The following KATNAL2 variants were observed in gnomAD, a reference collection of about 807,000 sequenced individuals.
The protein encoded by KATNAL2 is katanin p60 ATPase-containing subunit A-like 2.
A neutral mutation model predicts 76.3 loss-of-function variants in KATNAL2; 52 were observed. The observed-to-expected ratio is 0.68, with a 90% confidence interval of 0.55 to 0.86. The LOEUF is 0.86. Among genes scored for constraint, KATNAL2 ranks in the 40% least tolerant of loss-of-function variants. KATNAL2 has a pLI of 0.00. For synonymous variants in KATNAL2, 243 were observed against 244.2 expected, an observed-to-expected ratio of 1.00 and a Z score of 0.05; for missense variants, 660 against 668.9, an observed-to-expected ratio of 0.99 and a Z score of 0.15.
chr18:46,932,963 A>G (rs1008131969), intron 1 of KATNAL2, among the ~76,000 whole-genome samples: 2 of 151,880 alleles, frequency 1.3e-5, no homozygotes, highest in African/African-American at 2.4e-5. Flanking sequence ...GGGTTTCACT[A>G]TGTTGGCCAG....
chr18:47,075,299 A>G lies in KATNAL2; in HGVS notation c.1031A>G (p.Tyr344Cys). Residue 344 changes from tyrosine to cysteine, a missense_variant, in exon 14 of 18, where the codon TAC becomes TGC. By Grantham distance (194) the Tyr-to-Cys change is radical. Coordinates refer to ENST00000683218, the MANE Select transcript of KATNAL2 (RefSeq NM_001387690.1). Reference protein sequence around the residue: ...LVRVLFELARYHAPSTIFLDE... With the variant: ...LVRVLFELARCHAPSTIFLDE... Reference sequence around the variant, plus strand: ...CAGGTGTTATTTGAGCTTGCCCGCTACCACGCCCCATCCACGATCTTCCTG... The same window carrying G: ...CAGGTGTTATTTGAGCTTGCCCGCTGCCACGCCCCATCCACGATCTTCCTG... The G allele has an allele frequency of 6.4e-7, 1 of 1,561,672 alleles. No individual in the cohort carries two copies. The highest frequency in any genetic ancestry group is 8.6e-7 in the Non-Finnish European group (1 of 1,158,976).
At chr18:47,100,736 C>G (rs2063422266) in intron 17 of KATNAL2, 130 bp from the exon 18 acceptor site, 28 of 1,163,652 alleles carry the variant, frequency 2.4e-5, no homozygotes, top group Non-Finnish European at 3.4e-5. Context: ...TTTAGTCTTG[C>G]CTTTTGCTGC....
At chr18:47,100,466 C>T (rs1474302062) in intron 17 of KATNAL2, 110 bp downstream of exon 17, 6 of 819,226 alleles carry the variant, frequency 7.3e-6, no homozygotes, top group Admixed American at 2.4e-5. Flanking sequence ...CTTGGCAATG[C>T]GTTTTTTGGT....
At chr18:46,957,553 CTTTTTTTTT>C (rs67089810) in intron 3 of KATNAL2, among the ~76,000 whole-genome samples, 1 of 60,512 alleles carries the variant, frequency 1.7e-5, no homozygotes, top group Non-Finnish European at 3.1e-5. Context: ...CGCGCCTGGC[CTTTTTTTTT>C]TTTTTTTTTT....
At chr18:47,044,502 T>C (rs112129504) in intron 3 of KATNAL2, among the ~76,000 whole-genome samples, 8 of 152,182 alleles carry the variant, frequency 5.3e-5, no homozygotes, top group African/African-American at 1.7e-4. Context: ...CTCACGCCTG[T>C]AATCCCAGCA....
At chr18:47,070,307 G>A (rs1399379389) in intron 13 of KATNAL2, among the ~76,000 whole-genome samples, 1 of 151,850 alleles carries the variant, frequency 6.6e-6, no homozygotes, top group African/African-American at 2.4e-5. Context: ...CATCATGTTG[G>A]CCAGGATGGT....
In KATNAL2 at chr18:47,070,273, T is replaced by A. The variant is rs77121785; in HGVS notation, c.1008+673T>A. Among the ~76,000 whole-genome samples, 1,069 of 152,044 alleles carry A rather than the reference T, an allele frequency of 7.0e-3. 13 individuals carry two copies. Among genetic ancestry groups the A allele is most frequent in the East Asian group, 0.026 (132 of 5,158 alleles). ...CACCACGCCCAGCTAATTTTTTTTG[T>A]ATTTTTAGTAAAAAAAAGGGTTTCA... On this transcript the variant is annotated intron_variant, in intron 13 of 17. Coordinates refer to ENST00000683218, the MANE Select transcript of KATNAL2 (RefSeq NM_001387690.1).
intron 3 of KATNAL2, chr18:47,034,652 GC>G: frequency 6.2e-7 from 1 of 1,613,828 alleles, no homozygotes; most frequent in Non-Finnish European, 8.5e-7. Context: ...CACAGCAGAG[GC>G]CCGCCCTGAG....
At chr18:47,088,458 T>C (rs1333254209) in intron 15 of KATNAL2, among the ~76,000 whole-genome samples, 1 of 152,268 alleles carries the variant, frequency 6.6e-6, no homozygotes, top group Non-Finnish European at 1.5e-5. Flanking sequence ...TTTTTGTTCA[T>C]AAACATAATT....
At chr18:47,034,122 CAG>C (rs1380470853) in intron 3 of KATNAL2, 10 of 1,614,098 alleles carry the variant, frequency 6.2e-6, no homozygotes, top group Non-Finnish European at 8.5e-6. Context: ...TTTCACATGA[CAG>C]AGTGGGCTGC....
chr18:47,097,612 G>C (rs979848746), intron 15 of KATNAL2, among the ~76,000 whole-genome samples: 7 of 152,222 alleles, frequency 4.6e-5, no homozygotes, highest in African/African-American at 1.7e-4. Context: ...TCTAGGGCAA[G>C]CAGGCTGGCC....
chr18:46,952,384 T>C (rs2059584249), intron 3 of KATNAL2, among the ~76,000 whole-genome samples: 1 of 144,070 alleles, frequency 6.9e-6, no homozygotes, highest in Non-Finnish European at 1.5e-5. Context: ...GCACTCAGCC[T>C]GCAGGTATGT....
chr18:46,968,059 TG>T (rs2060182759), intron 3 of KATNAL2, among the ~76,000 whole-genome samples: 1 of 118,988 alleles, frequency 8.4e-6, no homozygotes, highest in Admixed American at 7.7e-5. Context: ...TCTAAGAAGC[TG>T]GGACCACAGG....
chr18:47,042,066 T>A (rs1373752389), intron 3 of KATNAL2, among the ~76,000 whole-genome samples: 1 of 152,222 alleles, frequency 6.6e-6, no homozygotes, highest in Non-Finnish European at 1.5e-5. Context: ...GTGTTGAATT[T>A]AGGAGGGTTT....
intron 1 of KATNAL2, among the ~76,000 whole-genome samples, chr18:46,934,045 C>T (rs2059016486): frequency 6.6e-6 from 1 of 150,554 alleles, no homozygotes; most frequent in East Asian, 1.9e-4. Context: ...TCCAGTCTGT[C>T]ATTGTTGGAC....
At chr18:47,034,010 C>T in intron 3 of KATNAL2, 2 of 1,614,026 alleles carry the variant, frequency 1.2e-6, no homozygotes, top group Non-Finnish European at 1.7e-6. Flanking sequence ...TCACGAGTGC[C>T]CTTGGATTCG....
chr18:46,946,353 C>A lies in KATNAL2; in HGVS notation c.-213C>A, dbSNP rs1231918686. 6 of 1,026,330 alleles carry A rather than the reference C, an allele frequency of 5.8e-6. No individual in the cohort carries two copies. Among genetic ancestry groups the A allele is most frequent in the African/African-American group, 5.2e-5 (3 of 57,946 alleles). The allele number at this position is 1,026,330 out of a possible 1,614,324, so 63.6% of individuals were successfully genotyped here. A position where few individuals can be genotyped will look rare whatever the true frequency, so the allele number is the denominator to read the frequency against. ...TGCATCCCAGAAGGCTCTTGACAAC[C>A]AAAGTGTCCACAGCAGATTCGTCCA... On this transcript the variant is annotated 5_prime_UTR_variant, in exon 2 of 18. Coordinates refer to ENST00000683218, the MANE Select transcript of KATNAL2 (RefSeq NM_001387690.1).
chr18:46,920,511 G>A lies in KATNAL2; in HGVS notation c.-510+2585G>A, dbSNP rs142497339. Among the ~76,000 whole-genome samples, 730 of 152,262 alleles carry A rather than the reference G, an allele frequency of 4.8e-3. 7 individuals carry two copies. The highest frequency in any genetic ancestry group is 0.017 in the African/African-American group (706 of 41,534). On this transcript the variant is annotated intron_variant, in intron 1 of 17. Transcript: ENST00000683218. ...TGCCTCTGTACTGGCCAGTTTTCTTGAGCCAATGCCTTTCTTGTAAGGTTT... is the reference window on the plus strand; with the variant it reads ...TGCCTCTGTACTGGCCAGTTTTCTTAAGCCAATGCCTTTCTTGTAAGGTTT...
intron 3 of KATNAL2, among the ~76,000 whole-genome samples, chr18:46,948,884 T>C (rs540334305): frequency 2.0e-4 from 21 of 105,860 alleles, no homozygotes; most frequent in African/African-American, 8.2e-4. Context: ...TGCAAGTATC[T>C]GCATTGTGTG....
Sources: gnomAD v4.1 joint callset for allele counts (sites outside exome capture counted in the v4.1 genomes callset) on GRCh38, gnomAD v4.1.1 for gene constraint, MANE v1.5 for transcripts, NCBI Gene and HGNC (gene_info 2026-07-23, HGNC 2026-07-21) for gene names.